The following FARP2 variants were observed in gnomAD, a reference collection of about 807,000 sequenced individuals.
FARP2 encodes FERM, ARH/RhoGEF and pleckstrin domain protein 2.
Under a neutral mutation model 130.5 loss-of-function variants are expected in FARP2, and 111 were observed. The observed-to-expected ratio is 0.85, with a 90% CI of 0.73 to 1.00. FARP2 has a LOEUF of 1.00. FARP2 is among the 50% of genes least tolerant of loss of function. FARP2 has a pLI of 0.00. For missense variants in FARP2, 1,385 were observed against 1,346.3 expected, an observed-to-expected ratio of 1.03 and a Z score of -0.45; for synonymous variants, 504 against 516.9, an observed-to-expected ratio of 0.98 and a Z score of 0.34.
At chr2:241,463,634 T>G in intron 16 of FARP2, 166 bp downstream of exon 16, 2 of 767,972 alleles carry the variant, frequency 2.6e-6, no homozygotes, top group Admixed American at 5.8e-5. Flanking sequence ...TACCCTTTAT[T>G]CACCCTCTTC....
chr2:241,431,569 G>A, intron 8 of FARP2, 110 bp from the exon 9 acceptor site: 3 of 651,836 alleles, frequency 4.6e-6, no homozygotes, highest in Non-Finnish European at 8.2e-6. Flanking sequence ...ATGGTAAAAT[G>A]CCAAGTAGAG....
At chr2:241,433,102 C>A (rs1461122184) in intron 9 of FARP2, among the ~76,000 whole-genome samples, 3 of 150,532 alleles carry the variant, frequency 2.0e-5, no homozygotes, top group African/African-American at 7.3e-5. Flanking sequence ...ATACGAAACA[C>A]AAGTAAAAGC....
intron 2 of FARP2, among the ~76,000 whole-genome samples, chr2:241,382,615 C>T (rs2061689176): frequency 6.6e-6 from 1 of 152,150 alleles, no homozygotes; most frequent in African/African-American, 2.4e-5. Flanking sequence ...TTTTTATTAT[C>T]TCCTTGGGGT....
In FARP2 at chr2:241,494,717, C is replaced by T. The variant is rs2065058691; in HGVS notation, c.*592C>T. ...TAGAGAAGCAGAAACCAAAGTCCCC[C>T]TGTGCCCTGGGAGGGTGGGGCCGTC... On this transcript the variant is annotated 3_prime_UTR_variant, in exon 27 of 27. Coordinates refer to ENST00000264042, the MANE Select transcript of FARP2 (RefSeq NM_014808.4). The surrounding 1 kb of genome is among the most constrained non-coding windows in gnomAD (Gnocchi z 4.9). The T allele has an allele frequency of 6.6e-6, 1 of 152,224 alleles. No individual in the cohort carries two copies. Among genetic ancestry groups the T allele is most frequent in the Non-Finnish European group, 1.5e-5 (1 of 68,052 alleles). 9.4% of individuals were successfully genotyped at this position (152,224 alleles called of 1,614,324 possible).
In FARP2 at chr2:241,468,312, G is replaced by A. The variant is rs374552131; in HGVS notation, c.2066G>A (p.Arg689His). The A allele has an allele frequency of 8.1e-5, 130 of 1,613,426 alleles. 1 individual carries two copies. Among genetic ancestry groups the A allele is most frequent in the African/African-American group, 5.7e-4 (43 of 75,078 alleles). Reference sequence around the variant, plus strand: ...CCCATCCAGCGGCTGCTGCACTACCGCCTGCTGCTGCGCCGCCTATGCGGA... The same window carrying A: ...CCCATCCAGCGGCTGCTGCACTACCACCTGCTGCTGCGCCGCCTATGCGGA... ...LKPIQRLLHY[R>H]LLLRRLCGHY... Residue 689 changes from arginine (R) to histidine (H), a missense_variant, in exon 18 of 27, where the codon CGC becomes CAC. Transcript: ENST00000264042.
chr2:241,361,364 G>C (rs1391728839), intron 1 of FARP2, among the ~76,000 whole-genome samples: 1 of 152,188 alleles, frequency 6.6e-6, no homozygotes, highest in Non-Finnish European at 1.5e-5. Flanking sequence ...GGTTTGCATA[G>C]TAGAAGTAAC....
chr2:241,462,428 C>A, intron 14 of FARP2, 95 bp from the exon 15 acceptor site: 1 of 794,564 alleles, frequency 1.3e-6, no homozygotes, highest in Non-Finnish European at 2.2e-6. Context: ...TTACCTTGAG[C>A]AGAAGAAAGC....
intron 13 of FARP2, chr2:241,442,647 A>T: frequency 9.0e-6 from 3 of 334,076 alleles, no homozygotes; most frequent in South Asian, 2.4e-5. Flanking sequence ...TAGATATTCA[A>T]TTTTTTTTTA....
intron 8 of FARP2, among the ~76,000 whole-genome samples, chr2:241,418,700 T>C (rs765021583): frequency 3.3e-5 from 5 of 152,216 alleles, no homozygotes; most frequent in Non-Finnish European, 5.9e-5. Context: ...GCCTGCTCAC[T>C]TCCATTTGTG....
chr2:241,384,100 C>T (rs1054686957), intron 2 of FARP2, among the ~76,000 whole-genome samples: 9 of 150,878 alleles, frequency 6.0e-5, no homozygotes, highest in African/African-American at 1.9e-4. Flanking sequence ...TTCACCATGA[C>T]CTAGTGGAAG....
chr2:241,468,405 A>C, intron 18 of FARP2, 28 bp downstream of exon 18: 74 of 1,564,792 alleles, frequency 4.7e-5, no homozygotes, highest in Non-Finnish European at 5.9e-5. Context: ...CCTGCATCTC[A>C]AGGATCAGCG....
At chr2:241,395,582 G>C (rs1014148571) in intron 2 of FARP2, 1 of 152,174 alleles carries the variant, frequency 6.6e-6, no homozygotes, top group African/African-American at 2.4e-5. Flanking sequence ...TTTCTTTGTG[G>C]CCTGCATTGT....
chr2:241,442,472 A>G (rs1440678365), intron 13 of FARP2: 2 of 456,588 alleles, frequency 4.4e-6, no homozygotes, highest in East Asian at 1.4e-4. Flanking sequence ...GTCCCTTTTG[A>G]TTTACAGAAC....
chr2:241,442,103 G>T (rs1183121012), intron 13 of FARP2: 1 of 394,222 alleles, frequency 2.5e-6, no homozygotes, highest in African/African-American at 2.1e-5. Flanking sequence ...CAGGCCAGCC[G>T]GATGCAGCGC....
intron 6 of FARP2, among the ~76,000 whole-genome samples, chr2:241,412,252 A>G (rs1286810180): frequency 6.6e-6 from 1 of 152,200 alleles, no homozygotes; most frequent in Non-Finnish European, 1.5e-5. Flanking sequence ...TCTCACTATT[A>G]CAAGAACAGC....
intron 4 of FARP2, among the ~76,000 whole-genome samples, chr2:241,406,107 T>A (rs935330740): frequency 6.6e-6 from 1 of 151,796 alleles, no homozygotes; most frequent in African/African-American, 2.4e-5. Flanking sequence ...ATCGAGACCA[T>A]CCTGGCTAAC....
chr2:241,373,161 G>A lies in FARP2; in HGVS notation c.54G>A (p.Leu18=). Residue 18 remains leucine (L), a synonymous_variant, in exon 2 of 27, where the codon TTG becomes TTA. Transcript: ENST00000264042. ...YRVLQTAGMR[L]GAQTPVGVST... Reference sequence around the variant, plus strand: ...TCCTGCAGACTGCAGGGATGCGCTTGGGTGCCCAGACCCCTGTGGGAGTTA... The same window carrying A: ...TCCTGCAGACTGCAGGGATGCGCTTAGGTGCCCAGACCCCTGTGGGAGTTA... 3 of 1,550,578 alleles carry A rather than the reference G, an allele frequency of 1.9e-6. No homozygotes were observed. The highest frequency in any genetic ancestry group is 1.8e-6 in the Non-Finnish European group (2 of 1,140,332).
At chr2:241,464,249 C>G (rs972003679) in intron 17 of FARP2, among the ~76,000 whole-genome samples, 16 of 151,072 alleles carry the variant, frequency 1.1e-4, no homozygotes, top group Admixed American at 3.3e-4. Flanking sequence ...AGCAGGGTCT[C>G]CTCAAAACAA....
In FARP2 at chr2:241,492,259, G is replaced by A. The variant is rs146276347; in HGVS notation, c.2787+580G>A. Among the ~76,000 whole-genome samples the A allele has an allele frequency of 1.2e-3, 188 of 152,278 alleles. 1 individual carries two copies. Among genetic ancestry groups the A allele is most frequent in the African/African-American group, 4.0e-3 (165 of 41,574 alleles). Reference sequence around the variant, plus strand: ...GCTCAGGAGCTACCCCAGCACCCCCGTGAGGGGGCTGAGCCCGAGCCTCTC... The same window carrying A: ...GCTCAGGAGCTACCCCAGCACCCCCATGAGGGGGCTGAGCCCGAGCCTCTC... On this transcript the variant is annotated intron_variant, in intron 24 of 26. Transcript: ENST00000264042.
Sources: allele counts gnomAD v4.1 joint callset (sites outside exome capture counted in the v4.1 genomes callset), GRCh38; gene constraint gnomAD v4.1.1; non-coding constraint Gnocchi (gnomAD v3.1); transcripts MANE v1.5; gene names NCBI Gene and HGNC (gene_info 2026-07-23, HGNC 2026-07-21).